The following COLEC12 variants were observed in gnomAD, a reference collection of about 807,000 sequenced individuals.
COLEC12 encodes the protein collectin subfamily member 12.
In COLEC12, 33 loss-of-function variants were observed where a neutral mutation model predicts 71.1. The observed-to-expected ratio is 0.46, with a 90% CI of 0.35 to 0.62. The LOEUF is 0.62. COLEC12 is among the 20% of genes least tolerant of loss of function. The pLI, the probability that COLEC12 is intolerant of heterozygous loss-of-function variation, is 0.00. For missense variants in COLEC12, 765 were observed against 916.1 expected (o/e 0.84, Z 2.13); for synonymous variants, 350 against 353.0 (o/e 0.99, Z 0.10).
intron 2 of COLEC12, among the ~76,000 whole-genome samples, chr18:385,994 A>C (rs1445998314): frequency 1.3e-5 from 2 of 152,200 alleles, no homozygotes; most frequent in East Asian, 3.9e-4. Context: ...ATGTCCTTTA[A>C]GGTTGATCTG....
intron 2 of COLEC12, among the ~76,000 whole-genome samples, chr18:428,388 T>A (rs1248753607): frequency 2.0e-5 from 3 of 152,128 alleles, no homozygotes; most frequent in Non-Finnish European, 2.9e-5. Flanking sequence ...TCCCATAGAG[T>A]TCATTTACAT....
intron 2 of COLEC12, among the ~76,000 whole-genome samples, chr18:458,048 G>A (rs1916906664): frequency 6.6e-6 from 1 of 152,210 alleles, no homozygotes; most frequent in Non-Finnish European, 1.5e-5. Context: ...GCCATACCCT[G>A]CCAGAAAAGT....
chr18:498,242 A>T (rs538587239), intron 1 of COLEC12, among the ~76,000 whole-genome samples: 2 of 152,280 alleles, frequency 1.3e-5, no homozygotes, highest in South Asian at 2.1e-4. Context: ...GCTGGCACTT[A>T]GTAGGTACTA....
In COLEC12 at chr18:406,532, AAAAAAAAAG is replaced by A. The variant is rs1349710853; in HGVS notation, c.59-49019_59-49011del. 4.0e-5 allele frequency among the ~76,000 whole-genome samples: 6 copies of A among 151,440 alleles called. No individual in the cohort carries two copies. The East Asian group carries it at 1.2e-3, about 29-fold the overall frequency. ...CTCCGTCTCAAAAAAAAAAAAAAAA[AAAAAAAAAG>A]GGCAACCAGCAGCTCCCGGGGCTGC... On this transcript the variant is annotated intron_variant, in intron 2 of 9. Transcript: ENST00000400256.
chr18:316,963 C>T lies in COLEC12; in HGVS notation c.*3082G>A, dbSNP rs1598321930. 6.6e-6 allele frequency: 1 copy of T among 152,184 alleles called. No individual in the cohort carries two copies. The highest frequency in any genetic ancestry group is 1.5e-5 in the Non-Finnish European group (1 of 68,082). The allele number at this position is 152,184 out of a possible 1,614,324, so 9.4% of individuals were successfully genotyped here. A position where few individuals can be genotyped will look rare whatever the true frequency, so the allele number is the denominator to read the frequency against. On this transcript the variant is annotated 3_prime_UTR_variant, in exon 10 of 10. Coordinates refer to ENST00000400256, the MANE Select transcript of COLEC12 (RefSeq NM_130386.3). ...TGTAGGCCGGGCACGGTGGCTCACA[C>T]CTGTAATCCCAGCACTTTGGGAGGC...
intron 2 of COLEC12, among the ~76,000 whole-genome samples, chr18:403,438 A>G (rs1007873170): frequency 6.6e-6 from 1 of 152,168 alleles, no homozygotes; most frequent in Non-Finnish European, 1.5e-5. Context: ...GGGCAGCAGC[A>G]CCCATTTGCT....
At chr18:450,816 G>A (rs9676127) in intron 2 of COLEC12, among the ~76,000 whole-genome samples, 35,358 of 152,124 alleles carry the variant, frequency 0.23, 4,130 homozygotes, top group East Asian at 0.28. Flanking sequence ...TTGTTAAATC[G>A]TTGTGACCAA....
intron 2 of COLEC12, among the ~76,000 whole-genome samples, chr18:472,832 G>A (rs1221543865): frequency 1.3e-5 from 2 of 151,768 alleles, no homozygotes; most frequent in Non-Finnish European, 2.9e-5. Context: ...GGGAGGGAGG[G>A]AATAAGGTGA....
chr18:323,873 A>C (rs1211879766), intron 8 of COLEC12, among the ~76,000 whole-genome samples: 1 of 152,146 alleles, frequency 6.6e-6, no homozygotes, highest in African/African-American at 2.4e-5. Flanking sequence ...AAGTCATTTT[A>C]AGTTAAATAA....
intron 2 of COLEC12, among the ~76,000 whole-genome samples, chr18:427,743 A>C (rs992547790): frequency 2.6e-5 from 4 of 152,036 alleles, no homozygotes; most frequent in African/African-American, 9.7e-5. Context: ...TATTGACTAC[A>C]TTTATTTGGG....
At chr18:465,393 C>A (rs999540494) in intron 2 of COLEC12, among the ~76,000 whole-genome samples, 2 of 152,186 alleles carry the variant, frequency 1.3e-5, no homozygotes, top group African/African-American at 4.8e-5. Context: ...TGAGCCACTG[C>A]ACCCAGCCAA....
intron 2 of COLEC12, among the ~76,000 whole-genome samples, chr18:358,457 C>G (rs1914674215): frequency 6.6e-6 from 1 of 152,142 alleles, no homozygotes; most frequent in African/African-American, 2.4e-5. Flanking sequence ...CGATGGGAGA[C>G]AGTGACAGAT....
chr18:396,565 T>C (rs1222636080), intron 2 of COLEC12, among the ~76,000 whole-genome samples: 2 of 152,266 alleles, frequency 1.3e-5, no homozygotes, highest in African/African-American at 4.8e-5. Context: ...ACTGAATCTC[T>C]TTTTCTGGTT....
At chr18:348,008 C>G (rs1914423364) in intron 4 of COLEC12, 57 bp downstream of exon 4, 1 of 1,138,870 alleles carries the variant, frequency 8.8e-7, no homozygotes, top group African/African-American at 1.5e-5. Flanking sequence ...TTCTAAGAAG[C>G]TGTGGTCATT....
intron 2 of COLEC12, among the ~76,000 whole-genome samples, chr18:410,279 G>T (rs2143634162): frequency 6.6e-6 from 1 of 152,260 alleles, no homozygotes; most frequent in East Asian, 1.9e-4. Context: ...TCCACTTGTA[G>T]AAGATGAAGT....
chr18:456,664 G>C (rs927356189), intron 2 of COLEC12, among the ~76,000 whole-genome samples: 1 of 152,218 alleles, frequency 6.6e-6, no homozygotes, highest in African/African-American at 2.4e-5. Context: ...GTTGTGTTTT[G>C]AGAATAAACG....
intron 2 of COLEC12, among the ~76,000 whole-genome samples, chr18:435,962 C>T (rs187864353): frequency 2.0e-5 from 3 of 152,306 alleles, no homozygotes; most frequent in African/African-American, 7.2e-5. Context: ...GTTCACCTTT[C>T]CCCTTTCATC....
chr18:341,697 C>G (rs988787473), intron 5 of COLEC12, among the ~76,000 whole-genome samples: 2 of 152,244 alleles, frequency 1.3e-5, no homozygotes, highest in African/African-American at 4.8e-5. Flanking sequence ...TGACCCCACT[C>G]TAGACACTGC....
At chr18:422,254 C>T (rs147621920) in intron 2 of COLEC12, among the ~76,000 whole-genome samples, 55 of 152,306 alleles carry the variant, frequency 3.6e-4, no homozygotes, top group African/African-American at 1.1e-3. Context: ...GTAGAAAATA[C>T]GCAGTTTAGC....
Sources: gnomAD v4.1 joint callset for allele counts (sites outside exome capture counted in the v4.1 genomes callset) on GRCh38, gnomAD v4.1.1 for gene constraint, MANE v1.5 for transcripts, NCBI Gene and HGNC (gene_info 2026-07-23, HGNC 2026-07-21) for gene names.